Variants in SLC9A1 observed in about 807,000 individuals in gnomAD.
SLC9A1 encodes the protein sodium/hydrogen exchanger 1.
SLC9A1 carries 22 observed loss-of-function variants against 67.9 expected under a neutral mutation model. That is an observed-to-expected ratio of 0.32 (90% confidence interval 0.23 to 0.46). The LOEUF is 0.46. Among genes scored for constraint, SLC9A1 ranks in the 20% least tolerant of loss-of-function variants. SLC9A1 has a pLI of 1.00. For missense variants in SLC9A1, 686 were observed against 1,094.8 expected, an observed-to-expected ratio of 0.63 and a Z score of 5.27; for synonymous variants, 421 against 471.8, an observed-to-expected ratio of 0.89 and a Z score of 1.40.
intron 1 of SLC9A1, among the ~76,000 whole-genome samples, chr1:27,135,058 A>T (rs546879342): frequency 1.7e-4 from 24 of 140,636 alleles, no homozygotes; most frequent in Middle Eastern, 4.8e-3. Context: ...TTTATGCCAA[A>T]TTTTTTTTTT....
Position 27,106,218 on chromosome 1 carries a change from C to T in SLC9A1, c.1283-131G>A. ...GAAGCCCACCCCGCTCACTCAATTCCTGGGTCCCTCAGCCCAGAGTGCTCT... is the reference window on the plus strand; with the variant it reads ...GAAGCCCACCCCGCTCACTCAATTCTTGGGTCCCTCAGCCCAGAGTGCTCT... On this transcript the variant is annotated intron_variant, in intron 4 of 11. Coordinates refer to ENST00000263980, the MANE Select transcript of SLC9A1 (RefSeq NM_003047.5). The surrounding 1 kb of genome is among the most constrained non-coding windows in gnomAD (Gnocchi z 4.3). 1 of 655,688 alleles carries T rather than the reference C, an allele frequency of 1.5e-6. No homozygotes were observed. The highest frequency in any genetic ancestry group is 2.7e-6 in the Non-Finnish European group (1 of 369,726). 40.6% of individuals were successfully genotyped at this position (655,688 alleles called of 1,614,324 possible).
chr1:27,129,413 C>A (rs936172477), intron 1 of SLC9A1, among the ~76,000 whole-genome samples: 1 of 152,154 alleles, frequency 6.6e-6, no homozygotes, highest in Non-Finnish European at 1.5e-5. Context: ...GAGAACTGAG[C>A]ATGCTCAGAG....
In SLC9A1 at chr1:27,109,790, T is replaced by C; in HGVS notation, c.814-13A>G. On this transcript the variant is annotated splice_polypyrimidine_tract_variant and intron_variant, in intron 2 of 11. Transcript: ENST00000263980. This position sits in a 1 kb window ranked among gnomAD's most constrained non-coding sequence, Gnocchi z 5.5. ...GGTGATACAGGACCTGGGGAGGGTG[T>C]GCAGGCTGGTGGGTGGGAGGAGAGG... 2 of 1,612,774 alleles carry C rather than the reference T, an allele frequency of 1.2e-6. No homozygotes were observed. Among genetic ancestry groups the C allele is most frequent in the Non-Finnish European group, 1.7e-6 (2 of 1,179,500 alleles).
rs1203506483 is a variant in SLC9A1, at chr1:27,113,815, G to A, written c.813+11C>T. 1 of 1,602,022 alleles carries A rather than the reference G, an allele frequency of 6.2e-7. No homozygotes were observed. The highest frequency in any genetic ancestry group is 8.5e-7 in the Non-Finnish European group (1 of 1,171,108). On this transcript the variant is annotated intron_variant, in intron 2 of 11. Coordinates refer to ENST00000263980, the MANE Select transcript of SLC9A1 (RefSeq NM_003047.5). ...CCGTTTGGACATGGGCATGGCCCCT[G>A]GCCTCCTCACCACAGTGACGGCGTC... is the stretch of plus-strand genomic sequence containing the variant.
chr1:27,132,485 G>A lies in SLC9A1; in HGVS notation c.353-18199C>T, dbSNP rs145304935. On this transcript the variant is annotated intron_variant, in intron 1 of 11. Transcript: ENST00000263980. ...CCGGTTCCACTGCTTTCTTGTGTGT[G>A]TGATCCTGGGTAAGTTAGTTACTCT... Among the ~76,000 whole-genome samples the A allele has an allele frequency of 1.4e-4, 22 of 152,268 alleles. No homozygotes were observed. In the East Asian group the frequency reaches 3.3e-3, roughly 23 times the overall value.
At chr1:27,126,500 T>G (rs1306039705) in intron 1 of SLC9A1, among the ~76,000 whole-genome samples, 1 of 152,154 alleles carries the variant, frequency 6.6e-6, no homozygotes, top group Non-Finnish European at 1.5e-5. Flanking sequence ...TCAGCAGTTT[T>G]TCCTAAATAC....
intron 1 of SLC9A1, among the ~76,000 whole-genome samples, chr1:27,148,995 G>A (rs1379080532): frequency 6.6e-6 from 1 of 152,182 alleles, no homozygotes; most frequent in Non-Finnish European, 1.5e-5. Flanking sequence ...TAGCAGGCAG[G>A]GTTGCTAGCA....
intron 1 of SLC9A1, among the ~76,000 whole-genome samples, chr1:27,126,975 G>A (rs115428832): frequency 0.022 from 3,418 of 152,156 alleles, 127 homozygotes; most frequent in African/African-American, 0.076. Context: ...AAACGAGTGT[G>A]GTACAGGTAG....
At chr1:27,125,997 T>C (rs1298904507) in intron 1 of SLC9A1, among the ~76,000 whole-genome samples, 2 of 152,142 alleles carry the variant, frequency 1.3e-5, no homozygotes, top group African/African-American at 4.8e-5. Flanking sequence ...GTCCCCTAGC[T>C]CTACTGGCCT....
intron 1 of SLC9A1, among the ~76,000 whole-genome samples, chr1:27,139,402 TA>T (rs2083439542): frequency 1.3e-5 from 2 of 152,196 alleles, no homozygotes; most frequent in Admixed American, 1.3e-4. Flanking sequence ...TTCACTTTCC[TA>T]AAGTAGCTGT....
intron 1 of SLC9A1, among the ~76,000 whole-genome samples, chr1:27,139,875 C>T (rs2083443607): frequency 1.3e-5 from 2 of 151,898 alleles, no homozygotes; most frequent in East Asian, 3.8e-4. Flanking sequence ...TCACAGCAAC[C>T]TCCACCTCCT....
chr1:27,105,748 C>A (rs1186830161), intron 5 of SLC9A1, 137 bp downstream of exon 5: 1 of 775,344 alleles, frequency 1.3e-6, no homozygotes, highest in Admixed American at 2.0e-5. Context: ...GGGAGTGGCT[C>A]GCCCAAGGTC....
intron 1 of SLC9A1, among the ~76,000 whole-genome samples, chr1:27,136,434 G>A (rs1182493058): frequency 6.6e-6 from 1 of 152,182 alleles, no homozygotes; most frequent in Non-Finnish European, 1.5e-5. Flanking sequence ...CCGCCCACTG[G>A]GCCACACTGC....
chr1:27,112,312 T>C (rs1177884540), intron 2 of SLC9A1, among the ~76,000 whole-genome samples: 1 of 152,152 alleles, frequency 6.6e-6, no homozygotes, highest in East Asian at 1.9e-4. Context: ...CTGTCTCTAC[T>C]CTGAGGTGCT....
intron 1 of SLC9A1, among the ~76,000 whole-genome samples, chr1:27,128,929 C>T (rs1183514123): frequency 6.6e-6 from 1 of 152,146 alleles, no homozygotes; most frequent in Non-Finnish European, 1.5e-5. Context: ...CATTGCACTC[C>T]AGCCTGGGCA....
chr1:27,154,658 G>T lies in SLC9A1; in HGVS notation c.-324C>A. 1 of 271,542 alleles carries T rather than the reference G, an allele frequency of 3.7e-6. No homozygotes were observed. The highest frequency in any genetic ancestry group is 7.0e-6 in the Non-Finnish European group (1 of 142,790). The allele number at this position is 271,542 out of a possible 1,614,324, so 16.8% of individuals were successfully genotyped here. A position where few individuals can be genotyped will look rare whatever the true frequency, so the allele number is the denominator to read the frequency against. On this transcript the variant is annotated 5_prime_UTR_variant, in exon 1 of 12. Coordinates refer to ENST00000263980, the MANE Select transcript of SLC9A1 (RefSeq NM_003047.5). ...TAGGGATAGAGGAAGGGGCAGGATAGGGATAGTGCAAAGGAAAGGAAGAAG... is the reference window on the plus strand; with the variant it reads ...TAGGGATAGAGGAAGGGGCAGGATATGGATAGTGCAAAGGAAAGGAAGAAG...
rs2083144969 is a variant in SLC9A1 at position 27,101,579 on chromosome 1, A to G, written c.2037+146T>C. On this transcript the variant is annotated intron_variant, in intron 10 of 11. Transcript: ENST00000263980. The surrounding 1 kb of genome is among the most constrained non-coding windows in gnomAD (Gnocchi z 4.9). ...ACCCCACGCCAATCCCTTGCTTAGA[A>G]CTCATGGCTCTCCATGCCCTTACAC... is the stretch of plus-strand genomic sequence containing the variant. 3.0e-6 allele frequency: 2 copies of G among 668,952 alleles called. No individual in the cohort carries two copies. The highest frequency in any genetic ancestry group is 3.5e-5 in the South Asian group (2 of 57,542). The allele number at this position is 668,952 out of a possible 1,614,324, so 41.4% of individuals were successfully genotyped here. A position where few individuals can be genotyped will look rare whatever the true frequency, so the allele number is the denominator to read the frequency against.
chr1:27,112,323 G>T (rs2083234258), intron 2 of SLC9A1, among the ~76,000 whole-genome samples: 1 of 152,200 alleles, frequency 6.6e-6, no homozygotes, highest in African/African-American at 2.4e-5. Context: ...CTGAGGTGCT[G>T]CTTCCTGAAG....
In SLC9A1 at chr1:27,114,631, C is replaced by A. The variant is rs571740431; in HGVS notation, c.353-345G>T. Among the ~76,000 whole-genome samples the A allele has an allele frequency of 5.3e-5, 8 of 152,168 alleles. No individual in the cohort carries two copies. The highest frequency in any genetic ancestry group is 1.2e-4 in the Non-Finnish European group (8 of 68,030). On this transcript the variant is annotated intron_variant, in intron 1 of 11. Coordinates refer to ENST00000263980, the MANE Select transcript of SLC9A1 (RefSeq NM_003047.5). This position sits in a 1 kb window ranked among gnomAD's most constrained non-coding sequence, Gnocchi z 5.4. ...AAATTATAAATTGATTACTGACGTG[C>A]CAAGTACCTACGGGCATCACCTACG... is the stretch of plus-strand genomic sequence containing the variant.
Sources: gnomAD v4.1 joint callset for allele counts (sites outside exome capture counted in the v4.1 genomes callset) on GRCh38, gnomAD v4.1.1 for gene constraint, Gnocchi (gnomAD v3.1) non-coding constraint, MANE v1.5 for transcripts, NCBI Gene and HGNC (gene_info 2026-07-23, HGNC 2026-07-21) for gene names.